Variants in PTPN2 observed in about 807,000 individuals in gnomAD.
PTPN2 encodes tyrosine-protein phosphatase non-receptor type 2.
A neutral mutation model predicts 57.3 loss-of-function variants in PTPN2; 19 were observed. That is an observed-to-expected ratio of 0.33 (90% CI 0.23 to 0.49). PTPN2 has a LOEUF of 0.49. PTPN2 is among the 20% of genes least tolerant of loss of function. PTPN2 has a pLI of 0.99. For missense variants in PTPN2, 358 were observed against 501.1 expected, an observed-to-expected ratio of 0.71 and a Z score of 2.73; for synonymous variants, 153 against 164.9, an observed-to-expected ratio of 0.93 and a Z score of 0.55.
At chr18:12,789,680 G>A (rs1428703207), downstream of PTPN2, among the ~76,000 whole-genome samples, 2 of 152,160 alleles carry the variant, frequency 1.3e-5, no homozygotes, top group Non-Finnish European at 2.9e-5. Flanking sequence ...GTGTGCACCT[G>A]CTAGAAAAAC....
At chr18:12,870,458 TATATAGAGAGAG>T (rs1305905223) in intron 1 of PTPN2, among the ~76,000 whole-genome samples, 4 of 30,284 alleles carry the variant, frequency 1.3e-4, no homozygotes, top group African/African-American at 2.1e-4. Context: ...TATATATATA[TATATAGAGAGAG>T]AGAGAGAGAG....
intron 1 of PTPN2, among the ~76,000 whole-genome samples, chr18:12,866,264 C>T (rs947472704): frequency 1.1e-4 from 17 of 151,966 alleles, no homozygotes; most frequent in Non-Finnish European, 1.5e-4. Flanking sequence ...CAGTGAAACC[C>T]CATCTCTACT....
At chr18:12,868,742 ATCTG>A (rs1467599234) in intron 1 of PTPN2, among the ~76,000 whole-genome samples, 2 of 149,696 alleles carry the variant, frequency 1.3e-5, no homozygotes, top group African/African-American at 4.9e-5. Flanking sequence ...AGACCAGGTG[ATCTG>A]CCCGCTTCAG....
chr18:12,874,813 C>CAGCT (rs2044430741), intron 1 of PTPN2, among the ~76,000 whole-genome samples: 1 of 152,212 alleles, frequency 6.6e-6, no homozygotes, highest in Non-Finnish European at 1.5e-5. Flanking sequence ...GTGTGCCCAA[C>CAGCT]AGCTCATTGA....
chr18:12,856,239 G>C (rs1190121938), intron 2 of PTPN2, among the ~76,000 whole-genome samples: 1 of 152,186 alleles, frequency 6.6e-6, no homozygotes, highest in East Asian at 1.9e-4. Context: ...GTGCCAAGGC[G>C]GTGTGGGGAT....
intron 1 of PTPN2, among the ~76,000 whole-genome samples, chr18:12,870,290 CATATATATGTGTATATATACATATAT>C (rs2044153446): frequency 1.3e-5 from 1 of 76,652 alleles, no homozygotes; most frequent in Non-Finnish European, 2.2e-5. Flanking sequence ...TATACATATA[CATATATATGTGTATATATACATATAT>C]ATGTGTATAT....
At position 12,793,482 on chromosome 18, in the gene PTPN2, C is replaced by G; in HGVS notation, c.*796G>C. On this transcript the variant is annotated 3_prime_UTR_variant, in exon 9 of 9. Transcript: ENST00000309660. ...TACAAAGTCTTGACCAACTGTTTAC[C>G]TGACTATCCCAGTAAGGAGAATTTT... 2 of 978,104 alleles carry G rather than the reference C, an allele frequency of 2.0e-6. No individual in the cohort carries two copies. Among genetic ancestry groups the G allele is most frequent in the Non-Finnish European group, 2.4e-6 (2 of 822,812 alleles). The allele number at this position is 978,104 out of a possible 1,614,324, so 60.6% of individuals were successfully genotyped here. A position where few individuals can be genotyped will look rare whatever the true frequency, so the allele number is the denominator to read the frequency against.
At chr18:12,840,570 TCTCTCAGTC>T (rs1254828383) in intron 2 of PTPN2, 1 of 932,174 alleles carries the variant, frequency 1.1e-6, no homozygotes, top group African/African-American at 1.6e-5. Flanking sequence ...CTGGGTCACC[TCTCTCAGTC>T]CTCACAGCCC....
intron 2 of PTPN2, among the ~76,000 whole-genome samples, chr18:12,854,489 G>A (rs1427592504): frequency 6.6e-6 from 1 of 152,182 alleles, no homozygotes; most frequent in Non-Finnish European, 1.5e-5. Flanking sequence ...GTAAATAACG[G>A]CACCACTTAT....
intron 4 of PTPN2, among the ~76,000 whole-genome samples, chr18:12,827,608 T>C (rs927496065): frequency 4.6e-5 from 7 of 151,674 alleles, no homozygotes; most frequent in African/African-American, 1.7e-4. Context: ...TGGTTTTGAA[T>C]TCCTGGGCTC....
rs558750925 is a variant in PTPN2, at chr18:12,794,612, A to C, written c.1041-127T>G. ...TTCACCCTATTTGAACACTGGAATA[A>C]TGAGGGGAAAAGCCTCAATATTCTT... On this transcript the variant is annotated intron_variant, in intron 8 of 8. Coordinates refer to ENST00000309660, the MANE Select transcript of PTPN2 (RefSeq NM_002828.4). 2.6e-6 allele frequency: 3 copies of C among 1,157,314 alleles called. No homozygotes were observed. The African/African-American group carries it at 4.7e-5, about 18-fold the overall frequency. 71.7% of individuals were successfully genotyped at this position (1,157,314 alleles called of 1,614,324 possible).
chr18:12,859,890 C>T (rs1211768394), intron 1 of PTPN2, among the ~76,000 whole-genome samples: 3 of 152,170 alleles, frequency 2.0e-5, no homozygotes, highest in Non-Finnish European at 2.9e-5. Flanking sequence ...CAGTGGCTAA[C>T]GCCTGTAATC....
At chr18:12,815,842 T>C (rs2042057172) in intron 6 of PTPN2, among the ~76,000 whole-genome samples, 1 of 152,174 alleles carries the variant, frequency 6.6e-6, no homozygotes, top group South Asian at 2.1e-4. Flanking sequence ...TCCTTGTGTG[T>C]GTGTTTACAA....
chr18:12,808,125 G>A (rs138378204), intron 7 of PTPN2, among the ~76,000 whole-genome samples: 8 of 152,240 alleles, frequency 5.3e-5, no homozygotes, highest in African/African-American at 1.9e-4. Context: ...GGAGGCTACA[G>A]TGAGCGAGCC....
chr18:12,865,244 G>A (rs1050855846), intron 1 of PTPN2, among the ~76,000 whole-genome samples: 1 of 151,792 alleles, frequency 6.6e-6, no homozygotes, highest in Admixed American at 6.6e-5. Context: ...ACCAGTCTGG[G>A]CAACACAGAC....
At chr18:12,883,985 G>C (rs1210360716) in intron 1 of PTPN2, 88 bp downstream of exon 1, 8 of 1,209,942 alleles carry the variant, frequency 6.6e-6, no homozygotes, top group Non-Finnish European at 9.2e-6. Flanking sequence ...GAGGCGAGAG[G>C]CGGGGGAGGC....
At chr18:12,837,490 G>T (rs1301076426) in intron 2 of PTPN2, among the ~76,000 whole-genome samples, 10 of 152,082 alleles carry the variant, frequency 6.6e-5, no homozygotes. Context: ...GATATTTCTA[G>T]TTTTTAAAAG....
Position 12,870,457 on chromosome 18 carries a change from AT to A in PTPN2, c.70-11204del, listed in dbSNP as rs1402164754. Among the ~76,000 whole-genome samples the A allele has an allele frequency of 3.1e-5, 2 of 63,566 alleles. 1 individual carries two copies. The highest frequency in any genetic ancestry group is 5.2e-5 in the Non-Finnish European group (2 of 38,796). 41.7% of individuals were successfully genotyped at this position (63,566 alleles called of 152,430 possible). ...TATATATGTGTATATATATATATAT[AT>A]ATATAGAGAGAGAGAGAGAGAGAGA... On this transcript the variant is annotated intron_variant, in intron 1 of 8. Transcript: ENST00000309660.
chr18:12,836,066 T>C (rs1403441834), intron 3 of PTPN2, among the ~76,000 whole-genome samples: 1 of 152,258 alleles, frequency 6.6e-6, no homozygotes, highest in Non-Finnish European at 1.5e-5. Context: ...TGATTTAAGT[T>C]ATGTTTTCAA....
Sources: gnomAD v4.1 joint callset for allele counts (sites outside exome capture counted in the v4.1 genomes callset) on GRCh38, gnomAD v4.1.1 for gene constraint, MANE v1.5 for transcripts, NCBI Gene and HGNC (gene_info 2026-07-23, HGNC 2026-07-21) for gene names.